The following CAST variants were observed in gnomAD, a reference collection of about 807,000 sequenced individuals.
CAST encodes the protein MIR583 host.
A neutral mutation model predicts 119.6 loss-of-function variants in CAST; 76 were observed. That is an observed-to-expected ratio of 0.64 (90% CI 0.53 to 0.77). CAST has a LOEUF of 0.77. Among genes scored for constraint, CAST ranks in the 30% least tolerant of loss-of-function variants. The probability of loss-of-function intolerance (pLI) is 0.00; values close to 1 mark genes in which losing one functional copy is unlikely to be tolerated. For synonymous variants in CAST, 319 were observed against 331.6 expected (o/e 0.96, Z 0.41); for missense variants, 953 against 946.5 (o/e 1.01, Z -0.09).
intron 1 of CAST, among the ~76,000 whole-genome samples, chr5:96,631,519 T>C (rs569205871): frequency 7.1e-6 from 1 of 140,252 alleles, no homozygotes; most frequent in Non-Finnish European, 1.6e-5. Flanking sequence ...TTTAGGTTAC[T>C]TTCACTTTTG....
chr5:96,026,836 T>G, the CAST span, among the ~76,000 whole-genome samples: 1 of 152,236 alleles, frequency 6.6e-6, no homozygotes, highest in Non-Finnish European at 1.5e-5. Flanking sequence ...TTATTCCAGA[T>G]ATGCTTAGTA....
At chr5:96,331,405 C>T in the CAST span, among the ~76,000 whole-genome samples, 35 of 152,182 alleles carry the variant, frequency 2.3e-4, no homozygotes, top group East Asian at 3.8e-4. Context: ...GTTATGCAAC[C>T]GGGAAACACA....
the CAST span, among the ~76,000 whole-genome samples, chr5:96,189,972 A>G: frequency 2.0e-5 from 3 of 152,228 alleles, no homozygotes; most frequent in Admixed American, 6.5e-5. Flanking sequence ...TATTCCTCGT[A>G]TGTCTGGTAG....
chr5:96,344,922 C>A, the CAST span, among the ~76,000 whole-genome samples: 1 of 152,152 alleles, frequency 6.6e-6, no homozygotes, highest in Non-Finnish European at 1.5e-5. Context: ...GATATAATGA[C>A]TTGTAGACAC....
intron 1 of CAST, among the ~76,000 whole-genome samples, chr5:96,670,426 A>G (rs906988745): frequency 6.6e-6 from 1 of 152,210 alleles, no homozygotes; most frequent in African/African-American, 2.4e-5. Context: ...CTCTTTTCAC[A>G]GCTGGACTTA....
the CAST span, among the ~76,000 whole-genome samples, chr5:96,173,138 G>A: frequency 1.3e-5 from 2 of 152,246 alleles, no homozygotes; most frequent in African/African-American, 4.8e-5. Context: ...GCTTTGTGGC[G>A]GCTTGACTAC....
chr5:96,204,919 G>A, the CAST span, among the ~76,000 whole-genome samples: 2 of 152,026 alleles, frequency 1.3e-5, no homozygotes, highest in Non-Finnish European at 2.9e-5. Flanking sequence ...GTCCTCAATA[G>A]CATCATGAGT....
chr5:96,695,672 A>AG, intron 2 of CAST, 164 bp from the exon 3 acceptor site: 1 of 479,678 alleles, frequency 2.1e-6, no homozygotes, highest in Non-Finnish European at 3.9e-6. Context: ...TATCATCTTC[A>AG]GGCAAAGTAA....
At chr5:96,259,657 T>C in the CAST span, among the ~76,000 whole-genome samples, 8 of 152,164 alleles carry the variant, frequency 5.3e-5, no homozygotes, top group Admixed American at 5.2e-4. Flanking sequence ...CATACAGCAC[T>C]TAGCTGAGGG....
At chr5:96,335,584 C>T in the CAST span, among the ~76,000 whole-genome samples, 1 of 152,162 alleles carries the variant, frequency 6.6e-6, no homozygotes, top group Non-Finnish European at 1.5e-5. Flanking sequence ...GATTTTTCTA[C>T]ACTCAGGATT....
At chr5:96,329,589 G>T in the CAST span, among the ~76,000 whole-genome samples, 2 of 152,174 alleles carry the variant, frequency 1.3e-5, no homozygotes, top group East Asian at 1.9e-4. Context: ...CTGCATTATT[G>T]CTTTCTTTAG....
the CAST span, among the ~76,000 whole-genome samples, chr5:96,415,440 T>C: frequency 6.6e-6 from 1 of 152,234 alleles, no homozygotes; most frequent in Non-Finnish European, 1.5e-5. Flanking sequence ...TACCACTTCT[T>C]AGCCCCTTGT....
At chr5:96,666,138 G>A (rs6860934) in intron 1 of CAST, among the ~76,000 whole-genome samples, 45,285 of 151,994 alleles carry the variant, frequency 0.3, 8,074 homozygotes, top group African/African-American at 0.49. Flanking sequence ...TGTCTCAGAT[G>A]TGTTCGTTTA....
chr5:96,766,161 T>C lies in CAST; in HGVS notation c.2130+16T>C. ...TAATGGACAGGTAAACTGAGGCAAA[T>C]TGCTAGATCGGATTTATGCTACCAA... On this transcript the variant is annotated intron_variant, in intron 27 of 31. Coordinates refer to ENST00000675179, the MANE Select transcript of CAST (RefSeq NM_001750.7). 4 of 1,415,816 alleles carry C rather than the reference T, an allele frequency of 2.8e-6. No individual in the cohort carries two copies. The highest frequency in any genetic ancestry group is 4.0e-6 in the Non-Finnish European group (4 of 1,004,406). 87.7% of individuals were successfully genotyped at this position (1,415,816 alleles called of 1,614,324 possible).
At chr5:96,374,394 T>G in the CAST span, among the ~76,000 whole-genome samples, 5 of 152,146 alleles carry the variant, frequency 3.3e-5, no homozygotes, top group Non-Finnish European at 7.4e-5. Context: ...GAATATTTGC[T>G]CTATTCTGGA....
At chr5:96,581,618 C>G (rs1746769784) in intron 1 of CAST, among the ~76,000 whole-genome samples, 1 of 152,190 alleles carries the variant, frequency 6.6e-6, no homozygotes, top group African/African-American at 2.4e-5. Context: ...TAGCCAGGCA[C>G]AGTGGCTCAC....
At chr5:96,466,265 T>C in the CAST span, among the ~76,000 whole-genome samples, 1 of 152,112 alleles carries the variant, frequency 6.6e-6, no homozygotes, top group African/African-American at 2.4e-5. Flanking sequence ...TGGGATTATA[T>C]TGTTGATTAG....
the CAST span, among the ~76,000 whole-genome samples, chr5:95,982,901 A>G: frequency 1.3e-5 from 2 of 152,204 alleles, no homozygotes; most frequent in Non-Finnish European, 2.9e-5. Context: ...TTACAACATT[A>G]TTTATAATGA....
chr5:96,007,145 G>A, the CAST span, among the ~76,000 whole-genome samples: 3 of 152,168 alleles, frequency 2.0e-5, no homozygotes, highest in African/African-American at 7.2e-5. Context: ...TCCATTAAGT[G>A]TAATCTCTTG....
Sources: gnomAD v4.1 joint callset for allele counts (sites outside exome capture counted in the v4.1 genomes callset) on GRCh38, gnomAD v4.1.1 for gene constraint, MANE v1.5 for transcripts, NCBI Gene and HGNC (gene_info 2026-07-23, HGNC 2026-07-21) for gene names.